The following XKR6 variants were observed in gnomAD, a reference collection of about 807,000 sequenced individuals.
XKR6 encodes XK related 6.
XKR6 carries 22 observed loss-of-function variants against 56.7 expected under a neutral mutation model. The observed-to-expected ratio is 0.39, with a 90% CI of 0.28 to 0.55. XKR6 has a LOEUF of 0.55. Among genes scored for constraint, XKR6 ranks in the 20% least tolerant of loss-of-function variants. The pLI is 0.66. For missense variants in XKR6, 852 were observed against 889.0 expected, an observed-to-expected ratio of 0.96 and a Z score of 0.53; for synonymous variants, 524 against 387.8, an observed-to-expected ratio of 1.35 and a Z score of -4.13.
At chr8:10,949,280 AG>A (rs1242448230) in intron 1 of XKR6, among the ~76,000 whole-genome samples, 14 of 152,234 alleles carry the variant, frequency 9.2e-5, no homozygotes, top group African/African-American at 3.4e-4. Context: ...CTTACGGGCC[AG>A]CTTAGTGGAC....
chr8:11,137,848 G>C (rs771911104), intron 1 of XKR6: 3 of 361,380 alleles, frequency 8.3e-6, no homozygotes, highest in Admixed American at 7.5e-5. Flanking sequence ...AGGCAAATGA[G>C]GAAATAATGG....
intron 1 of XKR6, among the ~76,000 whole-genome samples, chr8:11,135,148 G>T (rs1020960219): frequency 6.6e-6 from 1 of 151,508 alleles, no homozygotes; most frequent in Non-Finnish European, 1.5e-5. Context: ...TTCTGCCTCA[G>T]CCTCCCGAGT....
chr8:11,160,810 G>A (rs1056151391), intron 1 of XKR6, among the ~76,000 whole-genome samples: 3 of 147,802 alleles, frequency 2.0e-5, no homozygotes, highest in African/African-American at 7.6e-5. Flanking sequence ...TACTCGGTAG[G>A]CTAAGCCAAG....
chr8:11,131,258 T>C (rs1237949496), intron 1 of XKR6, among the ~76,000 whole-genome samples: 1 of 152,200 alleles, frequency 6.6e-6, no homozygotes, highest in Non-Finnish European at 1.5e-5. Flanking sequence ...GATTCAACTG[T>C]ATCCTATTTC....
chr8:11,095,726 CA>C (rs957215691), intron 1 of XKR6, among the ~76,000 whole-genome samples: 2 of 152,142 alleles, frequency 1.3e-5, no homozygotes, highest in African/African-American at 4.8e-5. Flanking sequence ...AGGTCTTTTT[CA>C]AAAACATTTT....
intron 1 of XKR6, among the ~76,000 whole-genome samples, chr8:11,199,348 G>T (rs6982013): frequency 0.95 from 144,287 of 152,316 alleles, 68,420 homozygotes; most frequent in East Asian, 1. Context: ...TTAAATAAAT[G>T]CTGAATAGAG....
intron 2 of XKR6, among the ~76,000 whole-genome samples, chr8:10,913,267 G>A (rs1049337808): frequency 1.1e-4 from 16 of 151,962 alleles, no homozygotes; most frequent in Admixed American, 1.0e-3. Context: ...CCAGGACAGA[G>A]ATCCATCTGC....
intron 1 of XKR6, among the ~76,000 whole-genome samples, chr8:11,059,136 C>G (rs1293151723): frequency 6.6e-6 from 1 of 152,218 alleles, no homozygotes; most frequent in Non-Finnish European, 1.5e-5. Flanking sequence ...GGCCCAGCAT[C>G]CCAGAGCCTG....
intron 1 of XKR6, among the ~76,000 whole-genome samples, chr8:11,125,571 T>C (rs1302656673): frequency 6.6e-6 from 1 of 152,122 alleles, no homozygotes; most frequent in African/African-American, 2.4e-5. Context: ...GAGAAGATCC[T>C]CATGGCTTCC....
intron 1 of XKR6, among the ~76,000 whole-genome samples, chr8:10,962,069 G>A (rs1332512544): frequency 6.6e-6 from 1 of 152,230 alleles, no homozygotes; most frequent in Non-Finnish European, 1.5e-5. Flanking sequence ...ATTCTTTGAA[G>A]TACAATGAAA....
At chr8:11,161,151 G>A (rs191240241) in intron 1 of XKR6, among the ~76,000 whole-genome samples, 45 of 152,184 alleles carry the variant, frequency 3.0e-4, no homozygotes, top group Admixed American at 2.1e-3. Context: ...CAGAGTACCT[G>A]GTAGAAATTA....
intron 1 of XKR6, among the ~76,000 whole-genome samples, chr8:11,193,011 A>G (rs1270403872): frequency 6.6e-6 from 1 of 152,220 alleles, no homozygotes; most frequent in Non-Finnish European, 1.5e-5. Flanking sequence ...ACGGAAAGAA[A>G]AGGAAGCATC....
intron 1 of XKR6, among the ~76,000 whole-genome samples, chr8:10,974,117 G>A: frequency 6.6e-6 from 1 of 152,162 alleles, no homozygotes; most frequent in Non-Finnish European, 1.5e-5. Flanking sequence ...TCTCTCAGTT[G>A]GCTCTGTGAG....
chr8:11,036,512 C>T (rs1563360402), intron 1 of XKR6, among the ~76,000 whole-genome samples: 1 of 152,212 alleles, frequency 6.6e-6, no homozygotes, highest in Non-Finnish European at 1.5e-5. Flanking sequence ...GGCCCCACCC[C>T]AGACTTGCTA....
intron 2 of XKR6, among the ~76,000 whole-genome samples, chr8:10,918,414 A>G (rs757760285): frequency 6.6e-6 from 1 of 151,966 alleles, no homozygotes; most frequent in Non-Finnish European, 1.5e-5. Flanking sequence ...GTGTGATGGC[A>G]TCTGGGGCAT....
chr8:10,942,488 T>TG (rs1328161004), intron 1 of XKR6, among the ~76,000 whole-genome samples: 2 of 152,238 alleles, frequency 1.3e-5, no homozygotes, highest in African/African-American at 2.4e-5. Context: ...CAGGACTGCC[T>TG]GCTCCCGGTC....
chr8:11,010,317 G>C (rs1019351244), intron 1 of XKR6, among the ~76,000 whole-genome samples: 1 of 152,172 alleles, frequency 6.6e-6, no homozygotes, highest in Non-Finnish European at 1.5e-5. Context: ...ATTACAATTT[G>C]ACATGAGAAT....
At chr8:10,938,210 C>T (rs886595951) in intron 1 of XKR6, among the ~76,000 whole-genome samples, 10 of 152,218 alleles carry the variant, frequency 6.6e-5, no homozygotes, top group Admixed American at 1.3e-4. Flanking sequence ...AGGGAACTCC[C>T]TGACCCCTTG....
At chr8:11,171,131 G>A (rs1053877765) in intron 1 of XKR6, among the ~76,000 whole-genome samples, 1 of 152,228 alleles carries the variant, frequency 6.6e-6, no homozygotes, top group African/African-American at 2.4e-5. Context: ...TGCCTGGTTG[G>A]GTAGAAGGAC....
Sources: gnomAD v4.1 joint callset for allele counts (sites outside exome capture counted in the v4.1 genomes callset) on GRCh38, gnomAD v4.1.1 for gene constraint, MANE v1.5 for transcripts, NCBI Gene and HGNC (gene_info 2026-07-23, HGNC 2026-07-21) for gene names.